The following FMN1 variants were observed in gnomAD, a reference collection of about 807,000 sequenced individuals.
FMN1 encodes the protein formin-1.
FMN1 carries 110 observed loss-of-function variants against 132.4 expected under a neutral mutation model. The ratio of observed to expected loss-of-function variants is 0.83; its 90% confidence interval spans 0.71 to 0.97. The LOEUF (loss-of-function observed/expected upper bound fraction) is 0.97. Among genes scored for constraint, FMN1 ranks in the 50% least tolerant of loss-of-function variants. The probability of loss-of-function intolerance (pLI) is 0.00; values close to 1 mark genes in which losing one functional copy is unlikely to be tolerated. For missense variants in FMN1, 1,792 were observed against 1,705.3 expected, an observed-to-expected ratio of 1.05 and a Z score of -0.90; for synonymous variants, 722 against 651.7, an observed-to-expected ratio of 1.11 and a Z score of -1.64.
rs374352513 is a variant in FMN1 at position 32,988,496 on chromosome 15, T to C, written c.2224-19019A>G. On this transcript the variant is annotated intron_variant, in intron 7 of 20. Coordinates refer to ENST00000616417, the MANE Select transcript of FMN1 (RefSeq NM_001277313.2). Reference sequence around the variant, plus strand: ...AGCATATTCTCAGTACAACTCACCATTATGAGTTGAGTGATGGTTTTTCTG... The same window carrying C: ...AGCATATTCTCAGTACAACTCACCACTATGAGTTGAGTGATGGTTTTTCTG... 4.6e-5 allele frequency among the ~76,000 whole-genome samples: 7 copies of C among 152,310 alleles called. No homozygotes were observed. In the South Asian group the frequency reaches 1.5e-3, roughly 32 times the overall value.
At chr15:33,095,457 A>G (rs1350987632) in intron 4 of FMN1, among the ~76,000 whole-genome samples, 1 of 152,116 alleles carries the variant, frequency 6.6e-6, no homozygotes, top group Admixed American at 6.5e-5. Flanking sequence ...GTGCAGTGGT[A>G]TGATTACAAC....
intron 16 of FMN1, among the ~76,000 whole-genome samples, chr15:32,862,316 A>C (rs961125529): frequency 5.9e-5 from 9 of 152,110 alleles, no homozygotes; most frequent in Non-Finnish European, 1.0e-4. Context: ...AGCCAAAGTC[A>C]CCCCAGGTTC....
chr15:33,137,012 C>T (rs1245507596), intron 4 of FMN1, among the ~76,000 whole-genome samples: 3 of 148,054 alleles, frequency 2.0e-5, no homozygotes, highest in African/African-American at 7.6e-5. Context: ...CGCTTGAACC[C>T]GGGAGGCAGA....
At chr15:32,990,396 C>T (rs1271189457) in intron 7 of FMN1, among the ~76,000 whole-genome samples, 3 of 152,098 alleles carry the variant, frequency 2.0e-5, no homozygotes, top group African/African-American at 7.2e-5. Flanking sequence ...TCTCCAGGAT[C>T]AGAGCAAAGA....
At chr15:33,020,865 AT>A (rs1391025615) in intron 6 of FMN1, among the ~76,000 whole-genome samples, 4 of 152,118 alleles carry the variant, frequency 2.6e-5, no homozygotes, top group Non-Finnish European at 5.9e-5. Context: ...AAAAGACTTT[AT>A]TGTATTTCAT....
chr15:32,782,921 G>C (rs1277570770), intron 19 of FMN1, among the ~76,000 whole-genome samples: 2 of 152,160 alleles, frequency 1.3e-5, no homozygotes, highest in Non-Finnish European at 2.9e-5. Flanking sequence ...AATACTGCAT[G>C]GTCTCACTTA....
intron 8 of FMN1, 95 bp from the exon 9 acceptor site, chr15:32,964,352 T>G: frequency 2.1e-6 from 2 of 942,128 alleles, no homozygotes; most frequent in Non-Finnish European, 3.1e-6. Flanking sequence ...TTAATTTCAT[T>G]TTTCTAAAAA....
chr15:32,968,176 CAG>C (rs1270979254), intron 8 of FMN1, among the ~76,000 whole-genome samples: 2 of 152,264 alleles, frequency 1.3e-5, no homozygotes, highest in African/African-American at 4.8e-5. Context: ...AGAGTTCAAG[CAG>C]AGAGAGTTTG....
chr15:33,177,068 T>C (rs900786290), intron 3 of FMN1, among the ~76,000 whole-genome samples: 2 of 152,226 alleles, frequency 1.3e-5, no homozygotes, highest in Admixed American at 1.3e-4. Flanking sequence ...CACATTGATT[T>C]TTACAGAAAA....
intron 2 of FMN1, among the ~76,000 whole-genome samples, chr15:33,180,819 G>C (rs1045524090): frequency 2.8e-5 from 4 of 142,346 alleles, no homozygotes; most frequent in South Asian, 4.6e-4. Flanking sequence ...GTATGATCAC[G>C]GCTCACTGCA....
At chr15:32,888,364 A>G (rs922900995) in intron 15 of FMN1, 72 bp from the exon 16 acceptor site, 38 of 1,381,700 alleles carry the variant, frequency 2.8e-5, no homozygotes, top group South Asian at 2.0e-4. Context: ...CCAAAGCATC[A>G]ATGAGAAAAA....
At chr15:32,867,738 G>A (rs1390232963) in intron 16 of FMN1, among the ~76,000 whole-genome samples, 7 of 152,080 alleles carry the variant, frequency 4.6e-5, no homozygotes, top group South Asian at 2.1e-4. Flanking sequence ...TGATCTGCCC[G>A]CCTCGGCCTC....
At chr15:32,944,723 T>C (rs182009329) in intron 9 of FMN1, among the ~76,000 whole-genome samples, 137 of 151,170 alleles carry the variant, frequency 9.1e-4, no homozygotes, top group African/African-American at 3.0e-3. Flanking sequence ...TGAATTCCAC[T>C]CAGAAGGCTA....
At chr15:33,016,556 T>C (rs754554021) in intron 6 of FMN1, among the ~76,000 whole-genome samples, 5 of 151,050 alleles carry the variant, frequency 3.3e-5, no homozygotes, top group East Asian at 1.9e-4. Flanking sequence ...GGCAGTGAAG[T>C]AAAGAGAAAG....
At chr15:32,836,762 G>A (rs1383063536) in intron 17 of FMN1, among the ~76,000 whole-genome samples, 1 of 152,040 alleles carries the variant, frequency 6.6e-6, no homozygotes, top group Admixed American at 6.6e-5. Flanking sequence ...GCTAGCCTAT[G>A]TTAAATAACA....
chr15:33,154,014 C>T lies in FMN1; in HGVS notation c.901G>A (p.Asp301Asn), dbSNP rs1964561515. The T allele has an allele frequency of 1.3e-6, 2 of 1,536,570 alleles. No individual in the cohort carries two copies. The highest frequency in any genetic ancestry group is 2.7e-5 in the African/African-American group (2 of 73,150). ...TCTGCCTCTGGATGCTTCTCAGGGT[C>T]CTGGTGACTTTCAGACAAACCTGTT... The part of the protein sequence containing the change: ...QQTGLSESHQ[D>N]PEKHPEAEKD... Residue 301 changes from aspartate to asparagine, a missense_variant, in exon 4 of 21, where the codon GAC becomes AAC. By Grantham distance (23) the Asp-to-Asn change is conservative. This residue lies in a region of FMN1 where 638 missense variants were observed against 645.2 expected (regional missense o/e 0.99). Transcript: ENST00000616417.
At chr15:32,994,128 T>G (rs946043962) in intron 7 of FMN1, among the ~76,000 whole-genome samples, 2 of 151,930 alleles carry the variant, frequency 1.3e-5, no homozygotes, top group Non-Finnish European at 2.9e-5. Flanking sequence ...ACATATCAAT[T>G]TGTGCTTTAT....
At chr15:32,924,449 T>A (rs1305497635) in intron 10 of FMN1, among the ~76,000 whole-genome samples, 1 of 152,162 alleles carries the variant, frequency 6.6e-6, no homozygotes, top group African/African-American at 2.4e-5. Flanking sequence ...GTCTTGTAGG[T>A]CAGGACCTAT....
intron 5 of FMN1, among the ~76,000 whole-genome samples, chr15:33,069,993 C>CTCTTTTTTTTTTTTTTTTTT (rs398026774): frequency 1.3e-5 from 1 of 74,292 alleles, no homozygotes. Context: ...CAGTCTTTCT[C>CTCTTTTTTTTTTTTTTTTTT]TTTTTTTTTT....
Sources: allele counts gnomAD v4.1 joint callset (sites outside exome capture counted in the v4.1 genomes callset), GRCh38; gene constraint gnomAD v4.1.1; regional missense constraint gnomAD v4.1.1; transcripts MANE v1.5; gene names NCBI Gene and HGNC (gene_info 2026-07-23, HGNC 2026-07-21).